The following USP34 variants were observed in gnomAD, a reference collection of about 807,000 sequenced individuals.
USP34 encodes the protein ubiquitin specific peptidase 34.
USP34 carries 70 observed loss-of-function variants against 460.3 expected under a neutral mutation model. That is an observed-to-expected ratio of 0.15 (90% CI 0.13 to 0.19). USP34 has a LOEUF of 0.19. Ranked by LOEUF, USP34 falls within the 10% of genes least tolerant of loss-of-function variation. The probability of loss-of-function intolerance (pLI) is 1.00; values close to 1 mark genes in which losing one functional copy is unlikely to be tolerated. For synonymous variants in USP34, 1,647 were observed against 1,405.3 expected, an observed-to-expected ratio of 1.17 and a Z score of -3.85; for missense variants, 3,985 against 4,236.2, an observed-to-expected ratio of 0.94 and a Z score of 1.65.
At position 61,190,352 on chromosome 2, in the gene USP34, G is replaced by A; in HGVS notation, c.9792C>T (p.Asn3264=). Reference sequence around the variant, plus strand: ...GTAGGTTCTGATACTGGCTTATCAAGTTTGTAATAAGAGTGCTGATCAAAT... The same window carrying A: ...GTAGGTTCTGATACTGGCTTATCAAATTTGTAATAAGAGTGCTGATCAAAT... The part of the protein sequence containing the change: ...CANLISTLIT[N]LISQYQNLQS... Residue 3264 remains asparagine, a synonymous_variant, in exon 78 of 80, where the codon AAC becomes AAT. Coordinates refer to ENST00000398571, the MANE Select transcript of USP34 (RefSeq NM_014709.4). 6.2e-7 allele frequency: 1 copy of A among 1,613,770 alleles called. No homozygotes were observed. The highest frequency in any genetic ancestry group is 1.1e-5 in the South Asian group (1 of 90,920).
At chr2:61,333,793 T>C in intron 19 of USP34, 89 bp downstream of exon 19, 1 of 884,936 alleles carries the variant, frequency 1.1e-6, no homozygotes, top group Non-Finnish European at 1.6e-6. Context: ...TGGTACAGAG[T>C]AAAAGCTTGT....
intron 21 of USP34, among the ~76,000 whole-genome samples, chr2:61,325,066 T>C (rs1308656501): frequency 2.0e-5 from 3 of 151,866 alleles, no homozygotes; most frequent in Non-Finnish European, 4.4e-5. Flanking sequence ...GACATACAGA[T>C]GAAACTAACA....
intron 1 of USP34, among the ~76,000 whole-genome samples, chr2:61,422,850 A>G (rs1694402044): frequency 6.6e-6 from 1 of 152,040 alleles, no homozygotes; most frequent in Non-Finnish European, 1.5e-5. Context: ...AATATAAACA[A>G]TTAGCCAGGC....
rs746605254 is a variant in USP34, at chr2:61,370,559, G to A, written c.1097C>T (p.Ala366Val). The A allele has an allele frequency of 6.2e-7, 1 of 1,613,596 alleles. No homozygotes were observed. Among genetic ancestry groups the A allele is most frequent in the Non-Finnish European group, 8.5e-7 (1 of 1,179,876 alleles). ...CACATTGTTGCTAATAAGCCAGTCT[G>A]CAAGTTCTTTTGCAATGGACCTAAA... is the stretch of plus-strand genomic sequence containing the variant. ...DTETSIAKEL[A>V]DWLISNNVVE... Residue 366 changes from alanine to valine, a missense_variant, in exon 9 of 80, where the codon GCA becomes GTA. This residue lies in a region of USP34 where 716 missense variants were observed against 626.2 expected (regional missense o/e 1.14). Transcript: ENST00000398571.
chr2:61,454,133 AAG>A (rs139564722), intron 1 of USP34, among the ~76,000 whole-genome samples: 1,907 of 152,264 alleles, frequency 0.013, 15 homozygotes, highest in Non-Finnish European at 0.019. Flanking sequence ...TAGGCAGGAA[AAG>A]AGAGGGTTTG....
rs1386840375 is a variant in USP34, at chr2:61,470,444, C to A, written c.43+206G>T. 9.3e-5 allele frequency among the ~76,000 whole-genome samples: 14 copies of A among 150,388 alleles called. No homozygotes were observed. In the South Asian group the frequency reaches 2.9e-3, roughly 31 times the overall value. On this transcript the variant is annotated intron_variant, in intron 1 of 79. Transcript: ENST00000398571. The stretch of plus-strand genomic sequence containing the variant: ...CCGAGCCGGAGCTCCGCGGCGGCCG[C>A]CTCTCGGGCGCCCAGGTAACCCGGC...
chr2:61,309,167 T>C (rs1413351324), intron 27 of USP34, among the ~76,000 whole-genome samples: 1 of 152,220 alleles, frequency 6.6e-6, no homozygotes, highest in African/African-American at 2.4e-5. Context: ...AACAAAATTA[T>C]TTCCAACTTA....
At chr2:61,404,702 C>T (rs920195607) in intron 3 of USP34, among the ~76,000 whole-genome samples, 1 of 152,166 alleles carries the variant, frequency 6.6e-6, no homozygotes, top group Non-Finnish European at 1.5e-5. Context: ...AGTAAATTCA[C>T]CTGCATAACT....
At position 61,201,312 on chromosome 2, in the gene USP34, T is replaced by G. The variant is rs916314284; in HGVS notation, c.9508+1828A>C. On this transcript the variant is annotated intron_variant, in intron 75 of 79. Transcript: ENST00000398571. ...CTCACGGCAACCTCCGCCTCCCAGG[T>G]TCAAGCAATTCTCTGGCCTCTCAGT... is the stretch of plus-strand genomic sequence containing the variant. Among the ~76,000 whole-genome samples, 4 of 148,334 alleles carry G rather than the reference T, an allele frequency of 2.7e-5. No individual in the cohort carries two copies. In the Admixed American group the frequency reaches 2.8e-4, roughly 10 times the overall value.
At chr2:61,412,649 T>C (rs373962509) in intron 2 of USP34, among the ~76,000 whole-genome samples, 21 of 151,520 alleles carry the variant, frequency 1.4e-4, no homozygotes, top group Admixed American at 7.9e-4. Context: ...AGCACTTTAG[T>C]AGGCTAAGGT....
Position 61,256,932 on chromosome 2 carries a change from G to A in USP34, c.6067C>T (p.Gln2023Ter). 6.4e-7 allele frequency: 1 copy of A among 1,561,630 alleles called. No homozygotes were observed. Among genetic ancestry groups the A allele is most frequent in the Non-Finnish European group, 8.6e-7 (1 of 1,156,342 alleles). ...VVSLDCEHVS[Q>*]TAEEFYTVRC... ...ACAGTATAAAACTCTTCAGCAGTTT[G>A]ACTAACATGTTCACAATCCTAATCA... The change falls in exon 47 of 80, where the codon CAA becomes TAA. Residue 2023 changes from glutamine to a stop codon, truncating the protein, a stop_gained. Transcript: ENST00000398571. LOFTEE classifies it high-confidence loss of function.
chr2:61,460,780 C>T (rs1294423148), intron 1 of USP34, among the ~76,000 whole-genome samples: 1 of 151,892 alleles, frequency 6.6e-6, no homozygotes, highest in Non-Finnish European at 1.5e-5. Context: ...TTCAGGAGAT[C>T]GAGACCATCC....
At chr2:61,337,608 C>T (rs1691462796) in intron 18 of USP34, among the ~76,000 whole-genome samples, 1 of 152,152 alleles carries the variant, frequency 6.6e-6, no homozygotes, top group South Asian at 2.1e-4. Context: ...GCACACACCA[C>T]CACATCTGGA....
At position 61,256,414 on chromosome 2, in the gene USP34, T is replaced by A. The variant is rs1688726245; in HGVS notation, c.6191A>T (p.His2064Leu). The A allele has an allele frequency of 6.2e-7, 1 of 1,612,364 alleles. No homozygotes were observed. The highest frequency in any genetic ancestry group is 1.3e-5 in the African/African-American group (1 of 74,866). Residue 2064 changes from histidine to leucine, a missense_variant, in exon 48 of 80, where the codon CAT (histidine) becomes CTT (leucine). His to Leu is a moderately conservative substitution (Grantham distance 99). Coordinates refer to ENST00000398571, the MANE Select transcript of USP34 (RefSeq NM_014709.4). ...TTCAGCTCGTACTTTCTTCCCACAA[T>A]GAGAACAAGTATACATGTTATCACC... is the stretch of plus-strand genomic sequence containing the variant. ...LEGDNMYTCS[H>L]CGKKVRAEKR...
intron 62 of USP34, 72 bp from the exon 63 acceptor site, chr2:61,223,368 T>C (rs1687643267): frequency 7.0e-7 from 1 of 1,427,918 alleles, no homozygotes; most frequent in East Asian, 2.3e-5. Context: ...ACAACATGTA[T>C]CAAAAATTGT....
chr2:61,225,862 T>C (rs1396921306), intron 62 of USP34, among the ~76,000 whole-genome samples: 4 of 152,348 alleles, frequency 2.6e-5, no homozygotes, highest in African/African-American at 9.6e-5. Context: ...ATGAATGAAA[T>C]GTGTCTAACA....
At chr2:61,435,766 T>C (rs973889295) in intron 1 of USP34, among the ~76,000 whole-genome samples, 2 of 152,120 alleles carry the variant, frequency 1.3e-5, no homozygotes, top group African/African-American at 2.4e-5. Context: ...CAGTGGCTCA[T>C]GCCTGTAATC....
Position 61,248,646 on chromosome 2 carries a change from T to C in USP34, c.6259A>G (p.Asn2087Asp). ...FKKLPRILSFNTMRYTFNMVT... is the reference protein window; with the variant it reads ...FKKLPRILSFDTMRYTFNMVT... Reference sequence around the variant, plus strand: ...ATATTAAATGTGTATCTCATAGTATTGAAACTCAAAATGCGAGGCAATTTC... The same window carrying C: ...ATATTAAATGTGTATCTCATAGTATCGAAACTCAAAATGCGAGGCAATTTC... Residue 2087 changes from asparagine to aspartate, a missense_variant, in exon 49 of 80, where the codon AAT (asparagine) becomes GAT (aspartate). Around this residue, in one of 14 missense-constraint regions of USP34, gnomAD observed 145 missense variants for 291.6 expected, o/e 0.50. Coordinates refer to ENST00000398571, the MANE Select transcript of USP34 (RefSeq NM_014709.4). The C allele has an allele frequency of 1.3e-6, 2 of 1,580,762 alleles. No individual in the cohort carries two copies. Among genetic ancestry groups the C allele is most frequent in the Non-Finnish European group, 1.7e-6 (2 of 1,159,548 alleles).
rs1038239660 is a variant in USP34 at position 61,445,862 on chromosome 2, C to T, written c.43+24788G>A. On this transcript the variant is annotated intron_variant, in intron 1 of 79. Coordinates refer to ENST00000398571, the MANE Select transcript of USP34 (RefSeq NM_014709.4). ...ACTCGGGAGCCTGAGGCAGAAGTAT[C>T]GCTTGAACCTGAAAGGCAGAGGTTG... Among the ~76,000 whole-genome samples the T allele has an allele frequency of 2.3e-4, 35 of 151,612 alleles. 1 individual carries two copies. The highest frequency in any genetic ancestry group is 7.0e-4 in the African/African-American group (29 of 41,338).
Sources: gnomAD v4.1 joint callset for allele counts (sites outside exome capture counted in the v4.1 genomes callset) on GRCh38, gnomAD v4.1.1 for gene constraint, gnomAD v4.1.1 regional missense constraint, MANE v1.5 for transcripts, NCBI Gene and HGNC (gene_info 2026-07-23, HGNC 2026-07-21) for gene names.